Variants in PATE3 observed in about 807,000 individuals in gnomAD.
PATE3 encodes prostate and testis expressed protein 3.
PATE3 carries 7 observed loss-of-function variants against 7.4 expected under a neutral mutation model. The ratio of observed to expected loss-of-function variants is 0.95; its 90% CI spans 0.54 to 1.78. The LOEUF is 1.78. Among genes scored for constraint, PATE3 ranks in the 40% most tolerant of loss-of-function variants. The probability of loss-of-function intolerance (pLI) is 0.00; values close to 1 mark genes in which losing one functional copy is unlikely to be tolerated. For synonymous variants in PATE3, 38 were observed against 40.2 expected, an observed-to-expected ratio of 0.94 and a Z score of 0.21; for missense variants, 117 against 122.5, an observed-to-expected ratio of 0.96 and a Z score of 0.21.
intron 1 of PATE3, among the ~76,000 whole-genome samples, chr11:125,788,781 G>A (rs1221567658): frequency 6.6e-6 from 1 of 152,078 alleles, no homozygotes; most frequent in Non-Finnish European, 1.5e-5. Flanking sequence ...GGATTAAATC[G>A]GATGCAACTT....
rs1943605768 is a variant in PATE3 at position 125,790,923 on chromosome 11, C to G, written c.*321C>G. 1 of 189,920 alleles carries G rather than the reference C, an allele frequency of 5.3e-6. No homozygotes were observed. Among genetic ancestry groups the G allele is most frequent in the South Asian group, 1.9e-4 (1 of 5,394 alleles). The allele number at this position is 189,920 out of a possible 1,614,324, so 11.8% of individuals were successfully genotyped here. A position where few individuals can be genotyped will look rare whatever the true frequency, so the allele number is the denominator to read the frequency against. On this transcript the variant is annotated 3_prime_UTR_variant, in exon 3 of 3. Transcript: ENST00000445202. ...CATTCTAGAATCTTAATTTGCTTAA[C>G]TAGTTCAGGTACACTAGAAAGCCTT... is the stretch of plus-strand genomic sequence containing the variant.
chr11:125,791,449 G>C lies in PATE3; in HGVS notation c.*847G>C, dbSNP rs1943610283. On this transcript the variant is annotated 3_prime_UTR_variant, in exon 3 of 3. Transcript: ENST00000445202. ...CACCTGAGGCATATAACCTAGGGTG[G>C]GCTGCCTTTCAGGATCCGTCATCAA... The C allele has an allele frequency of 6.6e-6, 1 of 152,174 alleles. No homozygotes were observed. The highest frequency in any genetic ancestry group is 2.4e-5 in the African/African-American group (1 of 41,432). The allele number at this position is 152,174 out of a possible 1,614,324, so 9.4% of individuals were successfully genotyped here. A position where few individuals can be genotyped will look rare whatever the true frequency, so the allele number is the denominator to read the frequency against.
intron 2 of PATE3, among the ~76,000 whole-genome samples, chr11:125,789,939 T>C (rs978539997): frequency 2.6e-5 from 4 of 152,146 alleles, no homozygotes; most frequent in African/African-American, 9.7e-5. Flanking sequence ...ATACACACAA[T>C]AGAATATTAT....
intron 1 of PATE3, 85 bp from the exon 2 acceptor site, chr11:125,789,301 T>C (rs755719298): frequency 1.7e-5 from 23 of 1,385,392 alleles, no homozygotes; most frequent in Non-Finnish European, 2.2e-5. Flanking sequence ...CCACTATTCA[T>C]TCCCCACCTC....
In PATE3 at chr11:125,790,753, C is replaced by A; in HGVS notation, c.*151C>A. 1.4e-6 allele frequency: 1 copy of A among 704,156 alleles called. No individual in the cohort carries two copies. The highest frequency in any genetic ancestry group is 2.2e-6 in the Non-Finnish European group (1 of 450,102). 43.6% of individuals were successfully genotyped at this position (704,156 alleles called of 1,614,324 possible). ...GAAGACTAAACTAGTGTGATCCTTT[C>A]TGGTGTCTTCAGCTTGGCTTCTCCC... On this transcript the variant is annotated 3_prime_UTR_variant, in exon 3 of 3. Transcript: ENST00000445202.
rs911518503 is a variant in PATE3 at position 125,790,424 on chromosome 11, A to G, written c.173-54A>G. The G allele has an allele frequency of 2.0e-6, 3 of 1,514,798 alleles. No homozygotes were observed. In the African/African-American group the frequency reaches 4.2e-5, roughly 21 times the overall value. 93.8% of individuals were successfully genotyped at this position (1,514,798 alleles called of 1,614,324 possible). ...ACAGAACTAGTGCTGGGTTTGACTC[A>G]CCTTGGAGAGCTTAAATCAAATGCT... On this transcript the variant is annotated intron_variant, in intron 2 of 2. Transcript: ENST00000445202.
chr11:125,789,314 T>C, intron 1 of PATE3, 72 bp from the exon 2 acceptor site: 1 of 1,438,524 alleles, frequency 7.0e-7, no homozygotes, highest in Non-Finnish European at 9.5e-7. Context: ...CCCACCTCCA[T>C]CTGAATATTT....
Position 125,788,146 on chromosome 11 carries a change from G to C in PATE3, c.-6G>C. ...TTTTTCCTGCACAAGGGATTTCCGG[G>C]TCAGGATGAACAAACACTTCTTGTT... On this transcript the variant is annotated 5_prime_UTR_variant, in exon 1 of 3. Coordinates refer to ENST00000445202, the MANE Select transcript of PATE3 (RefSeq NM_001129883.4). The C allele has an allele frequency of 6.4e-7, 1 of 1,551,314 alleles. No homozygotes were observed. Among genetic ancestry groups the C allele is most frequent in the Non-Finnish European group, 8.7e-7 (1 of 1,146,748 alleles).
rs564008228 is a variant in PATE3 at position 125,790,644 on chromosome 11, T to A, written c.*42T>A. ...AGGTCTCGCTTTGGAATGTCCCCAA[T>A]GTTGCTCATCCTTCACACTCTGCTG... On this transcript the variant is annotated 3_prime_UTR_variant, in exon 3 of 3. Coordinates refer to ENST00000445202, the MANE Select transcript of PATE3 (RefSeq NM_001129883.4). 42 of 1,536,698 alleles carry A rather than the reference T, an allele frequency of 2.7e-5. No homozygotes were observed. In the African/African-American group the frequency reaches 4.9e-4, roughly 18 times the overall value.
intron 1 of PATE3, among the ~76,000 whole-genome samples, chr11:125,788,995 C>A (rs1222906109): frequency 2.6e-5 from 4 of 152,080 alleles, no homozygotes; most frequent in African/African-American, 7.2e-5. Flanking sequence ...AATATATCAC[C>A]TAACAATAGT....
Position 125,790,547 on chromosome 11 carries a change from A to G in PATE3, c.242A>G (p.Asn81Ser). 6.4e-7 allele frequency: 1 copy of G among 1,551,288 alleles called. No homozygotes were observed. Among genetic ancestry groups the G allele is most frequent in the Non-Finnish European group, 8.7e-7 (1 of 1,146,646 alleles). ...FCRDMTFDLR[N>S]RTYVHTCCNY... ...AGAGACATGACATTTGATCTCAGGA[A>G]TCGGACTTATGTTCATACATGCTGC... Residue 81 changes from asparagine to serine, a missense_variant, in exon 3 of 3, where the codon AAT becomes AGT. Asn to Ser is a conservative substitution (Grantham distance 46, BLOSUM62 1). Transcript: ENST00000445202.
At position 125,790,791 on chromosome 11, in the gene PATE3, T is replaced by G; in HGVS notation, c.*189T>G. The G allele has an allele frequency of 1.8e-6, 1 of 545,242 alleles. No homozygotes were observed. Among genetic ancestry groups the G allele is most frequent in the Non-Finnish European group, 3.2e-6 (1 of 316,950 alleles). 33.8% of individuals were successfully genotyped at this position (545,242 alleles called of 1,614,324 possible). A position where few individuals can be genotyped will look rare whatever the true frequency, so the allele number is the denominator to read the frequency against. On this transcript the variant is annotated 3_prime_UTR_variant, in exon 3 of 3. Coordinates refer to ENST00000445202, the MANE Select transcript of PATE3 (RefSeq NM_001129883.4). ...CTTGGCTTCTCCCTCAGTCAGAGAA[T>G]AGTGGTTCTGAACAATGGATTTCTT...
Position 125,788,220 on chromosome 11 carries a change from G to A in PATE3, c.49+20G>A, listed in dbSNP as rs1378125919. On this transcript the variant is annotated intron_variant, in intron 1 of 2. Coordinates refer to ENST00000445202, the MANE Select transcript of PATE3 (RefSeq NM_001129883.4). Reference sequence around the variant, plus strand: ...TTGTGGGTGAGTCCTGGACCTGAGGGGTATACTTGAGAGACAGGATCTAGG... The same window carrying A: ...TTGTGGGTGAGTCCTGGACCTGAGGAGTATACTTGAGAGACAGGATCTAGG... 6.5e-7 allele frequency: 1 copy of A among 1,545,848 alleles called. No individual in the cohort carries two copies. Among genetic ancestry groups the A allele is most frequent in the East Asian group, 2.4e-5 (1 of 40,860 alleles).
Sources: allele counts gnomAD v4.1 joint callset (sites outside exome capture counted in the v4.1 genomes callset), GRCh38; gene constraint gnomAD v4.1.1; transcripts MANE v1.5; gene names NCBI Gene and HGNC (gene_info 2026-07-23, HGNC 2026-07-21).